The following MCC variants were observed in gnomAD, a reference collection of about 807,000 sequenced individuals.
The protein encoded by MCC is colorectal mutant cancer protein.
In MCC, 90 loss-of-function variants were observed where a neutral mutation model predicts 116.2. That is an observed-to-expected ratio of 0.77 (90% CI 0.65 to 0.92). The LOEUF (loss-of-function observed/expected upper bound fraction) is 0.92, where lower values mean the gene tolerates loss of function less well. MCC is among the 40% of genes least tolerant of loss of function. The pLI is 0.00. For missense variants in MCC, 1,516 were observed against 1,312.2 expected (o/e 1.16, Z -2.40); for synonymous variants, 578 against 510.5 (o/e 1.13, Z -1.78).
chr5:113,471,916 T>C (rs1772103218), intron 1 of MCC, among the ~76,000 whole-genome samples: 1 of 151,904 alleles, frequency 6.6e-6, no homozygotes, highest in Non-Finnish European at 1.5e-5. Flanking sequence ...CTCAGACTGC[T>C]GTGGTAGCAA....
chr5:113,059,006 T>C (rs1179550216), intron 14 of MCC, among the ~76,000 whole-genome samples: 1 of 152,152 alleles, frequency 6.6e-6, no homozygotes, highest in Non-Finnish European at 1.5e-5. Flanking sequence ...AGAAATCACC[T>C]AGCCCTAACA....
chr5:113,046,322 AGCT>A (rs1191879744), intron 16 of MCC, among the ~76,000 whole-genome samples: 1 of 151,960 alleles, frequency 6.6e-6, no homozygotes. Flanking sequence ...CCTCCCGAGT[AGCT>A]GGGATTACAG....
intron 6 of MCC, among the ~76,000 whole-genome samples, chr5:113,116,045 C>G (rs1222099728): frequency 1.3e-5 from 2 of 152,218 alleles, no homozygotes; most frequent in South Asian, 4.1e-4. Context: ...CCACTCTCCC[C>G]CAGGCTCACT....
chr5:113,189,770 G>A (rs972163323), intron 3 of MCC, among the ~76,000 whole-genome samples: 1 of 152,190 alleles, frequency 6.6e-6, no homozygotes, highest in Non-Finnish European at 1.5e-5. Context: ...TTAAGGACAT[G>A]GATGGATACT....
chr5:113,047,266 A>G (rs4260661), intron 16 of MCC, among the ~76,000 whole-genome samples: 148,946 of 152,348 alleles, frequency 0.98, 72,819 homozygotes, highest in East Asian at 1. Context: ...GTAAATTCCT[A>G]GAGGACAGAC....
chr5:113,208,713 C>A (rs1763005835), intron 3 of MCC, among the ~76,000 whole-genome samples: 1 of 152,054 alleles, frequency 6.6e-6, no homozygotes, highest in African/African-American at 2.4e-5. Flanking sequence ...GAAAATTCAG[C>A]TAGCAAGAGT....
At chr5:113,202,865 G>T (rs562948129) in intron 3 of MCC, among the ~76,000 whole-genome samples, 1 of 151,888 alleles carries the variant, frequency 6.6e-6, no homozygotes, top group Non-Finnish European at 1.5e-5. Flanking sequence ...TGTTAGAAGA[G>T]TGACTTGACA....
chr5:113,314,351 T>G (rs2150369075), intron 3 of MCC, among the ~76,000 whole-genome samples: 1 of 152,316 alleles, frequency 6.6e-6, no homozygotes, highest in Non-Finnish European at 1.5e-5. Flanking sequence ...TGTCCTTCAG[T>G]TTTAAAGATT....
chr5:113,480,170 G>A (rs1448358625), intron 1 of MCC, among the ~76,000 whole-genome samples: 1 of 152,160 alleles, frequency 6.6e-6, no homozygotes, highest in African/African-American at 2.4e-5. Context: ...TAGTTCTTTA[G>A]ATAAGCAAAC....
intron 3 of MCC, among the ~76,000 whole-genome samples, chr5:113,254,942 A>T (rs1324605540): frequency 6.6e-6 from 1 of 152,136 alleles, no homozygotes; most frequent in Non-Finnish European, 1.5e-5. Context: ...AGGTGGGTGG[A>T]TCACCTGAGG....
At chr5:113,135,266 TCTTAGGGGCCGGG>T (rs1249606412) in intron 5 of MCC, among the ~76,000 whole-genome samples, 1 of 148,566 alleles carries the variant, frequency 6.7e-6, no homozygotes, top group Non-Finnish European at 1.5e-5. Context: ...TTAAATTTAT[TCTTAGGGGCCGGG>T]CACAGTGGCT....
At chr5:113,358,518 C>G (rs1317207451) in intron 2 of MCC, among the ~76,000 whole-genome samples, 2 of 152,120 alleles carry the variant, frequency 1.3e-5, no homozygotes, top group Admixed American at 6.5e-5. Flanking sequence ...ATCCTGAGAC[C>G]TGTATTAACA....
chr5:113,242,979 A>G (rs1243158781), intron 3 of MCC, among the ~76,000 whole-genome samples: 1 of 152,208 alleles, frequency 6.6e-6, no homozygotes, highest in Non-Finnish European at 1.5e-5. Flanking sequence ...TCACAATGAG[A>G]TATCATGGAG....
At chr5:113,315,615 C>G (rs1410722291) in intron 3 of MCC, among the ~76,000 whole-genome samples, 2 of 150,362 alleles carry the variant, frequency 1.3e-5, no homozygotes, top group African/African-American at 4.9e-5. Flanking sequence ...CATCTGTAAT[C>G]CTAGCACTTC....
At chr5:113,202,971 T>G (rs1408850088) in intron 3 of MCC, among the ~76,000 whole-genome samples, 1 of 152,194 alleles carries the variant, frequency 6.6e-6, no homozygotes, top group Non-Finnish European at 1.5e-5. Flanking sequence ...AATATTTCAC[T>G]GCTGGCTACC....
intron 14 of MCC, among the ~76,000 whole-genome samples, chr5:113,057,436 G>C (rs1752907812): frequency 6.6e-6 from 1 of 152,148 alleles, no homozygotes; most frequent in Admixed American, 6.5e-5. Flanking sequence ...TGGGAGCAGG[G>C]AAGGCAGGGA....
In MCC at chr5:113,425,426, A is replaced by G. The variant is rs185704791; in HGVS notation, c.171-40214T>C. Among the ~76,000 whole-genome samples the G allele has an allele frequency of 1.1e-4, 16 of 152,340 alleles. No individual in the cohort carries two copies. The East Asian group carries it at 3.1e-3, about 29-fold the overall frequency. On this transcript the variant is annotated intron_variant, in intron 1 of 18. Coordinates refer to ENST00000408903, the MANE Select transcript of MCC (RefSeq NM_001085377.2). ...GGATGTTCACAAGAAAGAGAAACAC[A>G]GTATATTGGGCTTGGGTGCATATAA...
At chr5:113,384,912 G>A in intron 2 of MCC, 56 bp downstream of exon 2, 3 of 1,597,498 alleles carry the variant, frequency 1.9e-6, no homozygotes, top group Non-Finnish European at 2.6e-6. Context: ...CATTTAATGA[G>A]AGATCACAGG....
At chr5:113,060,999 A>G (rs577872040) in intron 14 of MCC, among the ~76,000 whole-genome samples, 70 of 152,270 alleles carry the variant, frequency 4.6e-4, no homozygotes, top group African/African-American at 1.7e-3. Flanking sequence ...CACCCTTTCA[A>G]TGGACATGAT....
Sources: gnomAD v4.1 joint callset for allele counts (sites outside exome capture counted in the v4.1 genomes callset) on GRCh38, gnomAD v4.1.1 for gene constraint, MANE v1.5 for transcripts, NCBI Gene and HGNC (gene_info 2026-07-23, HGNC 2026-07-21) for gene names.